The following CDH9 variants were observed in gnomAD, a reference collection of about 807,000 sequenced individuals.
CDH9 encodes cadherin 9.
A neutral mutation model predicts 70.9 loss-of-function variants in CDH9; 28 were observed. That is an observed-to-expected ratio of 0.40 (90% confidence interval 0.29 to 0.54). The LOEUF (loss-of-function observed/expected upper bound fraction) is 0.54, where lower values mean the gene tolerates loss of function less well. CDH9 is among the 20% of genes least tolerant of loss of function. The pLI, the probability that CDH9 is intolerant of heterozygous loss-of-function variation, is 0.59. For synonymous variants in CDH9, 409 were observed against 343.1 expected (o/e 1.19, Z -2.12); for missense variants, 874 against 984.4 (o/e 0.89, Z 1.50).
intron 7 of CDH9, among the ~76,000 whole-genome samples, chr5:26,892,715 T>TTTG (rs1554034948): frequency 3.3e-5 from 5 of 151,808 alleles, no homozygotes; most frequent in African/African-American, 7.3e-5. Context: ...CTGGCATTTT[T>TTTG]TTGTTGTTGT....
intron 7 of CDH9, among the ~76,000 whole-genome samples, chr5:26,891,329 G>A (rs1281530572): frequency 6.6e-6 from 1 of 152,174 alleles, no homozygotes; most frequent in Non-Finnish European, 1.5e-5. Flanking sequence ...CACTGAAACA[G>A]GGAATTATCC....
intron 1 of CDH9, among the ~76,000 whole-genome samples, chr5:26,988,768 T>C (rs137870585): frequency 6.6e-6 from 1 of 152,200 alleles, no homozygotes; most frequent in Non-Finnish European, 1.5e-5. Context: ...TATACATACG[T>C]GTATGAAATT....
intron 2 of CDH9, among the ~76,000 whole-genome samples, chr5:26,917,942 A>G (rs1040239422): frequency 6.6e-6 from 1 of 152,192 alleles, no homozygotes; most frequent in South Asian, 2.1e-4. Flanking sequence ...TTGGTGTTAT[A>G]TTGGCCTGTG....
At chr5:26,931,728 A>G (rs907641271) in intron 2 of CDH9, among the ~76,000 whole-genome samples, 9 of 152,110 alleles carry the variant, frequency 5.9e-5, no homozygotes, top group African/African-American at 2.2e-4. Context: ...TATGAAATAT[A>G]TGTATACGAA....
intron 1 of CDH9, among the ~76,000 whole-genome samples, chr5:26,994,437 G>C (rs1028838044): frequency 1.2e-4 from 18 of 152,134 alleles, no homozygotes; most frequent in Non-Finnish European, 5.9e-5. Flanking sequence ...GGTTAGATTA[G>C]ATCATGAGAG....
intron 7 of CDH9, among the ~76,000 whole-genome samples, chr5:26,893,555 C>T (rs1265350285): frequency 1.3e-5 from 2 of 152,040 alleles, no homozygotes; most frequent in South Asian, 2.1e-4. Context: ...AAAATACACT[C>T]ATTTGACATA....
At chr5:26,917,169 A>G (rs907969770) in intron 2 of CDH9, among the ~76,000 whole-genome samples, 2 of 151,978 alleles carry the variant, frequency 1.3e-5, no homozygotes, top group Admixed American at 6.6e-5. Flanking sequence ...TTATGACTAC[A>G]GTATATTTTG....
At chr5:26,914,584 A>T (rs535764335) in intron 3 of CDH9, among the ~76,000 whole-genome samples, 1 of 152,034 alleles carries the variant, frequency 6.6e-6, no homozygotes, top group Non-Finnish European at 1.5e-5. Context: ...CCTCAATTAG[A>T]TGACATTTCA....
intron 2 of CDH9, among the ~76,000 whole-genome samples, chr5:26,923,069 T>TAAAAAAAAAAAAAAAAAAAAAAAAAAAA (rs56883597): frequency 1.1e-5 from 1 of 95,060 alleles, no homozygotes; most frequent in Non-Finnish European, 2.2e-5. Context: ...TTACATGAAT[T>TAAAAAAAAAAAAAAAAAAAAAAAAAAAA]AAAAAAAAAA....
At chr5:27,024,778 A>C (rs1376057554) in intron 1 of CDH9, among the ~76,000 whole-genome samples, 1 of 152,068 alleles carries the variant, frequency 6.6e-6, no homozygotes, top group African/African-American at 2.4e-5. Context: ...TAAGAGCCTG[A>C]ATTCTTAACC....
chr5:26,959,697 C>T (rs1216760554), intron 2 of CDH9, among the ~76,000 whole-genome samples: 1 of 151,970 alleles, frequency 6.6e-6, no homozygotes, highest in Non-Finnish European at 1.5e-5. Context: ...TGATACAACA[C>T]AGAGTGTTGA....
At chr5:26,987,743 T>C (rs1742512013) in intron 2 of CDH9, among the ~76,000 whole-genome samples, 1 of 152,100 alleles carries the variant, frequency 6.6e-6, no homozygotes. Context: ...TAGAAATATC[T>C]AGAAGTATTT....
intron 2 of CDH9, among the ~76,000 whole-genome samples, chr5:26,923,034 C>A (rs1485644808): frequency 1.4e-5 from 2 of 144,730 alleles, no homozygotes; most frequent in Admixed American, 7.0e-5. Context: ...ATGGTTTAAA[C>A]CCTCCTATCT....
At chr5:27,007,135 A>G (rs1336866152) in intron 1 of CDH9, among the ~76,000 whole-genome samples, 1 of 152,210 alleles carries the variant, frequency 6.6e-6, no homozygotes, top group Non-Finnish European at 1.5e-5. Context: ...AGAGTTTGTC[A>G]GATGCAAGCT....
At chr5:27,006,552 C>G (rs1742868215) in intron 1 of CDH9, among the ~76,000 whole-genome samples, 1 of 152,132 alleles carries the variant, frequency 6.6e-6, no homozygotes, top group Non-Finnish European at 1.5e-5. Context: ...GGAGTAATAT[C>G]TGCTCCCAAC....
chr5:26,959,539 C>G (rs749194380), intron 2 of CDH9, among the ~76,000 whole-genome samples: 1 of 151,980 alleles, frequency 6.6e-6, no homozygotes, highest in African/African-American at 2.4e-5. Context: ...TGTTTTCACA[C>G]GAATACTTGT....
intron 11 of CDH9, among the ~76,000 whole-genome samples, chr5:26,885,037 G>A (rs1384307196): frequency 6.6e-6 from 1 of 152,134 alleles, no homozygotes; most frequent in Non-Finnish European, 1.5e-5. Flanking sequence ...AGGGGAAAAT[G>A]TCTAACTTAC....
At chr5:26,922,104 T>C (rs1741255301) in intron 2 of CDH9, among the ~76,000 whole-genome samples, 1 of 149,730 alleles carries the variant, frequency 6.7e-6, no homozygotes, top group East Asian at 1.9e-4. Context: ...GAAAACTGCC[T>C]CAAAAGGGAA....
At chr5:26,918,743 T>G (rs1741192080) in intron 2 of CDH9, among the ~76,000 whole-genome samples, 1 of 152,202 alleles carries the variant, frequency 6.6e-6, no homozygotes, top group Admixed American at 6.5e-5. Context: ...AATCTTCTCC[T>G]GCCTTTGGAC....
Sources: gnomAD v4.1 joint callset for allele counts (sites outside exome capture counted in the v4.1 genomes callset) on GRCh38, gnomAD v4.1.1 for gene constraint, MANE v1.5 for transcripts, NCBI Gene and HGNC (gene_info 2026-07-23, HGNC 2026-07-21) for gene names.